DCTD: variants seen among roughly 807,000 people sequenced by gnomAD.
The protein encoded by DCTD is deoxycytidylate deaminase.
DCTD carries 23 observed loss-of-function variants against 21.0 expected under a neutral mutation model. That is an observed-to-expected ratio of 1.09 (90% CI 0.79 to 1.55). DCTD has a LOEUF of 1.55. Among genes scored for constraint, DCTD ranks in the 40% most tolerant of loss-of-function variants. The pLI is 0.00. For missense variants in DCTD, 224 were observed against 230.0 expected (o/e 0.97, Z 0.17); for synonymous variants, 71 against 81.1 (o/e 0.88, Z 0.67).
intron 3 of DCTD, among the ~76,000 whole-genome samples, chr4:182,899,091 C>A (rs1735251786): frequency 6.6e-6 from 1 of 152,206 alleles, no homozygotes; most frequent in South Asian, 2.1e-4. Flanking sequence ...CCACTCCCAA[C>A]ATGACGTGTA....
At position 182,917,227 on chromosome 4, in the gene DCTD, C is replaced by CCG; in HGVS notation, c.-8+82_-8+83dup. 1 of 998,482 alleles carries CCG rather than the reference C, an allele frequency of 1.0e-6. No individual in the cohort carries two copies. The highest frequency in any genetic ancestry group is 4.5e-5 in the South Asian group (1 of 22,102). 61.9% of individuals were successfully genotyped at this position (998,482 alleles called of 1,614,324 possible). On this transcript the variant is annotated intron_variant, in intron 1 of 5. Coordinates refer to ENST00000438320, the MANE Select transcript of DCTD (RefSeq NM_001921.3). This position sits in a 1 kb window ranked among gnomAD's most constrained non-coding sequence, Gnocchi z 4.9. The stretch of plus-strand genomic sequence containing the variant: ...AGGCCCCCGCCCGGCAGCCAGCGCC[C>CCG]CGCGCCACGCGCTCGGGACGGTGCC...
intron 3 of DCTD, among the ~76,000 whole-genome samples, chr4:182,896,449 G>A (rs1255298949): frequency 2.6e-5 from 4 of 152,234 alleles, no homozygotes; most frequent in Non-Finnish European, 5.9e-5. Context: ...TGGCATTGCA[G>A]GAAAATCAAA....
At chr4:182,891,552 A>G (rs955180416) in intron 5 of DCTD, 75 bp from the exon 6 acceptor site, 1 of 1,042,502 alleles carries the variant, frequency 9.6e-7, no homozygotes, top group African/African-American at 1.6e-5. Context: ...CTTAACTCAT[A>G]TTTTCTGTGC....
intron 4 of DCTD, among the ~76,000 whole-genome samples, chr4:182,893,691 G>A (rs1734217380): frequency 6.6e-6 from 1 of 152,276 alleles, no homozygotes. Flanking sequence ...GCTGCAGTGT[G>A]GGGCCCGGAC....
intron 3 of DCTD, among the ~76,000 whole-genome samples, chr4:182,913,657 T>A (rs1461406619): frequency 6.6e-6 from 1 of 152,240 alleles, no homozygotes; most frequent in Non-Finnish European, 1.5e-5. Context: ...CCCATTTGGA[T>A]GGCCTTACTC....
intron 3 of DCTD, among the ~76,000 whole-genome samples, chr4:182,901,181 A>G (rs370764801): frequency 2.0e-5 from 3 of 152,224 alleles, no homozygotes; most frequent in Admixed American, 6.5e-5. Context: ...TAAAAACCCT[A>G]AATAATGCTG....
intron 3 of DCTD, among the ~76,000 whole-genome samples, chr4:182,904,707 C>T (rs1736358825): frequency 6.6e-6 from 1 of 152,124 alleles, no homozygotes. Flanking sequence ...CAGCTCTTCT[C>T]TTCTCCCGGC....
chr4:182,907,174 C>T (rs1424431428), intron 3 of DCTD, among the ~76,000 whole-genome samples: 2 of 152,044 alleles, frequency 1.3e-5, no homozygotes, highest in African/African-American at 2.4e-5. Flanking sequence ...CTCATTCTGT[C>T]GTCTGGGATG....
In DCTD at chr4:182,890,517, T is replaced by C. The variant is rs851; in HGVS notation, c.*882A>G. ...TTGCAGAGGGGCCTTGTACATGAAC[T>C]GCGTTGGCATGCGGAGGAGGGGCAA... is the stretch of plus-strand genomic sequence containing the variant. On this transcript the variant is annotated 3_prime_UTR_variant, in exon 6 of 6. Transcript: ENST00000438320. 51,533 of 152,106 alleles carry C rather than the reference T, an allele frequency of 0.34. 10,383 individuals are homozygous for C. The highest frequency in any genetic ancestry group is 0.58 in the African/African-American group (23,994 of 41,488). The allele number at this position is 152,106 out of a possible 1,614,324, so 9.4% of individuals were successfully genotyped here.
intron 3 of DCTD, among the ~76,000 whole-genome samples, chr4:182,906,899 C>T (rs748163031): frequency 1.6e-4 from 24 of 152,226 alleles, no homozygotes; most frequent in Non-Finnish European, 1.5e-4. Flanking sequence ...GCAAGGGGAG[C>T]GCCCATTCCC....
chr4:182,893,009 C>A (rs749086007), intron 5 of DCTD, 22 bp downstream of exon 5: 4 of 1,505,286 alleles, frequency 2.7e-6, no homozygotes, highest in African/African-American at 1.4e-5. Context: ...CCCGTCCCCC[C>A]GCCCGCATTC....
At chr4:182,912,306 A>G (rs191371980) in intron 3 of DCTD, among the ~76,000 whole-genome samples, 23 of 152,354 alleles carry the variant, frequency 1.5e-4, no homozygotes, top group African/African-American at 5.3e-4. Context: ...TTAGACTTTA[A>G]GCCCATCTTT....
intron 3 of DCTD, 69 bp downstream of exon 3, chr4:182,914,853 AC>A: frequency 6.3e-7 from 1 of 1,581,054 alleles, no homozygotes. Context: ...ATGCCTTCTG[AC>A]CAACTTTCTT....
intron 3 of DCTD, among the ~76,000 whole-genome samples, chr4:182,904,239 C>G (rs1736256937): frequency 6.6e-6 from 1 of 152,188 alleles, no homozygotes; most frequent in South Asian, 2.1e-4. Context: ...CCCCAGAACT[C>G]TAATTACACT....
chr4:182,901,596 A>G (rs2152858249), intron 3 of DCTD, among the ~76,000 whole-genome samples: 1 of 152,258 alleles, frequency 6.6e-6, no homozygotes, highest in Admixed American at 6.5e-5. Context: ...CGTTCAGAGC[A>G]CGGACAGTTC....
intron 5 of DCTD, 54 bp from the exon 6 acceptor site, chr4:182,891,531 G>T: frequency 8.0e-7 from 1 of 1,248,348 alleles, no homozygotes; most frequent in Non-Finnish European, 1.2e-6. Flanking sequence ...AAAGCAATTT[G>T]TTTACTTTGG....
chr4:182,901,559 G>A (rs950092040), intron 3 of DCTD, among the ~76,000 whole-genome samples: 6 of 152,134 alleles, frequency 3.9e-5, no homozygotes, highest in South Asian at 2.1e-4. Context: ...GACCTGCAAC[G>A]CCTTCTGCCG....
In DCTD at chr4:182,917,209, C is replaced by T. The variant is rs1167137691; in HGVS notation, c.-8+102G>A. On this transcript the variant is annotated intron_variant, in intron 1 of 5. Coordinates refer to ENST00000438320, the MANE Select transcript of DCTD (RefSeq NM_001921.3). This position sits in a 1 kb window ranked among gnomAD's most constrained non-coding sequence, Gnocchi z 4.9. Reference sequence around the variant, plus strand: ...CCCAGCGTCCGCGGCCCCAGGCCCCCGCCCGGCAGCCAGCGCCCCGCGCCA... The same window carrying T: ...CCCAGCGTCCGCGGCCCCAGGCCCCTGCCCGGCAGCCAGCGCCCCGCGCCA... 3 of 993,874 alleles carry T rather than the reference C, an allele frequency of 3.0e-6. No homozygotes were observed. The highest frequency in any genetic ancestry group is 1.2e-6 in the Non-Finnish European group (1 of 836,390). 61.6% of individuals were successfully genotyped at this position (993,874 alleles called of 1,614,324 possible).
chr4:182,899,227 G>A (rs1021979130), intron 3 of DCTD, among the ~76,000 whole-genome samples: 1 of 152,060 alleles, frequency 6.6e-6, no homozygotes, highest in African/African-American at 2.4e-5. Flanking sequence ...TGATTCACCT[G>A]CTCTCTTTGG....
Sources: allele counts gnomAD v4.1 joint callset (sites outside exome capture counted in the v4.1 genomes callset), GRCh38; gene constraint gnomAD v4.1.1; non-coding constraint Gnocchi (gnomAD v3.1); transcripts MANE v1.5; gene names NCBI Gene and HGNC (gene_info 2026-07-23, HGNC 2026-07-21).